The following GRIN3A variants were observed in gnomAD, a reference collection of about 807,000 sequenced individuals.
GRIN3A encodes the protein glutamate receptor ionotropic, NMDA 3A.
A neutral mutation model predicts 92.4 loss-of-function variants in GRIN3A; 47 were observed. The observed-to-expected ratio is 0.51, with a 90% CI of 0.40 to 0.65. GRIN3A has a LOEUF of 0.65. Ranked by LOEUF, GRIN3A falls within the 30% of genes least tolerant of loss-of-function variation. The pLI, the probability that GRIN3A is intolerant of heterozygous loss-of-function variation, is 0.00. For missense variants in GRIN3A, 1,324 were observed against 1,393.1 expected (o/e 0.95, Z 0.79); for synonymous variants, 527 against 540.6 (o/e 0.97, Z 0.35).
intron 3 of GRIN3A, among the ~76,000 whole-genome samples, chr9:101,651,771 G>A (rs531260899): frequency 1.3e-5 from 2 of 151,842 alleles, no homozygotes; most frequent in East Asian, 3.9e-4. Context: ...ATATTTCTGA[G>A]CTGCTTCTGA....
intron 6 of GRIN3A, chr9:101,595,052 G>A: frequency 2.0e-6 from 2 of 1,006,814 alleles, no homozygotes; most frequent in African/African-American, 1.6e-5. Flanking sequence ...GGCCCTGGTC[G>A]AGCAAAAGGG....
chr9:101,695,754 G>T (rs552073923), intron 1 of GRIN3A, among the ~76,000 whole-genome samples: 2 of 152,024 alleles, frequency 1.3e-5, no homozygotes, highest in Non-Finnish European at 2.9e-5. Flanking sequence ...CCAATGACTC[G>T]TAGTATTCTG....
intron 6 of GRIN3A, chr9:101,594,696 T>G: frequency 3.1e-6 from 5 of 1,614,226 alleles, no homozygotes; most frequent in Non-Finnish European, 3.4e-6. Context: ...GTCCCCAGGA[T>G]GAATTCCTTG....
chr9:101,608,866 A>G (rs1828320730), intron 6 of GRIN3A, among the ~76,000 whole-genome samples: 1 of 152,200 alleles, frequency 6.6e-6, no homozygotes, highest in Non-Finnish European at 1.5e-5. Context: ...ATATTAAGGG[A>G]AGCCAGAATC....
chr9:101,593,872 C>A (rs1828068681), intron 6 of GRIN3A: 1 of 153,042 alleles, frequency 6.5e-6, no homozygotes, highest in Non-Finnish European at 1.5e-5. Flanking sequence ...GGGCTGCAAT[C>A]TGCCGAAGGA....
At chr9:101,609,938 A>G (rs1384163470) in intron 6 of GRIN3A, among the ~76,000 whole-genome samples, 1 of 152,168 alleles carries the variant, frequency 6.6e-6, no homozygotes, top group Non-Finnish European at 1.5e-5. Context: ...GGCTCAAATG[A>G]TCTGCCTGCC....
intron 3 of GRIN3A, among the ~76,000 whole-genome samples, chr9:101,638,399 C>G (rs1828811492): frequency 1.3e-5 from 2 of 152,212 alleles, no homozygotes; most frequent in South Asian, 4.1e-4. Context: ...CATGTCTTCT[C>G]ATTTTATTCA....
rs529649696 is a variant in GRIN3A, at chr9:101,711,975, C to T, written c.700-24775G>A. 2.8e-3 allele frequency among the ~76,000 whole-genome samples: 432 copies of T among 152,274 alleles called. 1 individual carries two copies. Among genetic ancestry groups the T allele is most frequent in the Non-Finnish European group, 4.8e-3 (327 of 68,022 alleles). On this transcript the variant is annotated intron_variant, in intron 1 of 8. Transcript: ENST00000361820. ...TTTAGGGTCCCTCCTTGGAGCTCAACGATTCCATCACCAGCTGAGCAACAC... is the reference window on the plus strand; with the variant it reads ...TTTAGGGTCCCTCCTTGGAGCTCAATGATTCCATCACCAGCTGAGCAACAC...
intron 3 of GRIN3A, among the ~76,000 whole-genome samples, chr9:101,666,955 A>G (rs531658429): frequency 6.6e-6 from 1 of 152,176 alleles, no homozygotes; most frequent in South Asian, 2.1e-4. Flanking sequence ...GCCATCCTAA[A>G]TGGATACCAC....
chr9:101,649,235 C>T (rs887644936), intron 3 of GRIN3A, among the ~76,000 whole-genome samples: 1 of 151,878 alleles, frequency 6.6e-6, no homozygotes, highest in Non-Finnish European at 1.5e-5. Context: ...CATGTGAGCA[C>T]ATGGAATTTG....
chr9:101,716,686 C>T (rs889675226), intron 1 of GRIN3A, among the ~76,000 whole-genome samples: 2 of 152,184 alleles, frequency 1.3e-5, no homozygotes, highest in Admixed American at 1.3e-4. Flanking sequence ...TCTTCCATTA[C>T]TCAGCCAGGC....
At chr9:101,577,686 A>G in intron 8 of GRIN3A, 82 bp downstream of exon 8, 1 of 1,050,666 alleles carries the variant, frequency 9.5e-7, no homozygotes, top group Non-Finnish European at 1.5e-6. Context: ...AATTGCCCTG[A>G]TTTGATCTGA....
intron 2 of GRIN3A, among the ~76,000 whole-genome samples, chr9:101,685,052 A>G (rs1263595769): frequency 1.3e-5 from 2 of 152,192 alleles, no homozygotes. Context: ...AAATTATAAT[A>G]TGGGAAAAAG....
rs543186136 is a variant in GRIN3A, at chr9:101,570,511, C to G, written c.*2663G>C. The G allele has an allele frequency of 6.6e-6, 1 of 152,650 alleles. No homozygotes were observed. Among genetic ancestry groups the G allele is most frequent in the Non-Finnish European group, 1.5e-5 (1 of 68,036 alleles). The allele number at this position is 152,650 out of a possible 1,614,324, so 9.5% of individuals were successfully genotyped here. On this transcript the variant is annotated 3_prime_UTR_variant, in exon 9 of 9. Coordinates refer to ENST00000361820, the MANE Select transcript of GRIN3A (RefSeq NM_133445.3). ...TTGCTACTTAACATGAAGACTGCTT[C>G]GTTTCACCACAAGCAATTATGGTTT...
At chr9:101,603,727 C>G (rs1208107922) in intron 6 of GRIN3A, among the ~76,000 whole-genome samples, 2 of 152,200 alleles carry the variant, frequency 1.3e-5, no homozygotes, top group Non-Finnish European at 2.9e-5. Flanking sequence ...ATTTTAGAAT[C>G]CCTCGGGAAG....
chr9:101,723,295 C>T (rs931216154), intron 1 of GRIN3A, among the ~76,000 whole-genome samples: 5 of 151,860 alleles, frequency 3.3e-5, no homozygotes, highest in Admixed American at 2.0e-4. Context: ...CTCGCTGGCT[C>T]GGGAGTGAAG....
chr9:101,601,318 CA>C (rs879308167), intron 6 of GRIN3A, among the ~76,000 whole-genome samples: 32 of 151,994 alleles, frequency 2.1e-4, no homozygotes, highest in Non-Finnish European at 3.8e-4. Flanking sequence ...CACGTTTTAT[CA>C]AAAGAACAAC....
intron 5 of GRIN3A, among the ~76,000 whole-genome samples, chr9:101,613,957 C>T (rs565004035): frequency 6.6e-6 from 1 of 152,102 alleles, no homozygotes; most frequent in South Asian, 2.1e-4. Context: ...ATGCATGACC[C>T]TCTCTTACTT....
Position 101,613,491 on chromosome 9 carries a change from G to C in GRIN3A, c.2651C>G (p.Thr884Ser), listed in dbSNP as rs1253984240. ...ACTGATTAGCTCGGATATGTTGGCGGTCAATGGAGAGTTGGGTGGGAGGCC... is the reference window on the plus strand; with the variant it reads ...ACTGATTAGCTCGGATATGTTGGCGCTCAATGGAGAGTTGGGTGGGAGGCC... Reference protein sequence around the residue: ...GIGLPPNSPLTANISELISQY... With the variant: ...GIGLPPNSPLSANISELISQY... The change falls in exon 6 of 9, where the codon ACC (threonine) becomes AGC (serine). Residue 884 changes from threonine (T) to serine (S), a missense_variant. Transcript: ENST00000361820. 1 of 1,614,168 alleles carries C rather than the reference G, an allele frequency of 6.2e-7. No individual in the cohort carries two copies. Among genetic ancestry groups the C allele is most frequent in the South Asian group, 1.1e-5 (1 of 91,084 alleles).
Sources: gnomAD v4.1 joint callset for allele counts (sites outside exome capture counted in the v4.1 genomes callset) on GRCh38, gnomAD v4.1.1 for gene constraint, MANE v1.5 for transcripts, NCBI Gene and HGNC (gene_info 2026-07-23, HGNC 2026-07-21) for gene names.